SNTG1: variants seen among roughly 807,000 people sequenced by gnomAD.
The protein encoded by SNTG1 is syntrophin gamma 1.
SNTG1 carries 39 observed loss-of-function variants against 74.7 expected under a neutral mutation model. That is an observed-to-expected ratio of 0.52 (90% CI 0.40 to 0.68). The LOEUF is 0.68. SNTG1 is among the 30% of genes least tolerant of loss of function. The pLI is 0.00. For synonymous variants in SNTG1, 254 were observed against 217.1 expected, an observed-to-expected ratio of 1.17 and a Z score of -1.49; for missense variants, 685 against 609.5, an observed-to-expected ratio of 1.12 and a Z score of -1.30.
chr8:50,484,149 TTTCCTTCCTTCC>T lies in SNTG1; in HGVS notation c.364-18573_364-18562del, dbSNP rs1176639085. Among the ~76,000 whole-genome samples, 225 of 46,970 alleles carry T rather than the reference TTTCCTTCCTTCC, an allele frequency of 4.8e-3. 1 individual carries two copies. The highest frequency in any genetic ancestry group is 0.01 in the African/African-American group (132 of 12,672). 30.8% of individuals were successfully genotyped at this position (46,970 alleles called of 152,430 possible). A position where few individuals can be genotyped will look rare whatever the true frequency, so the allele number is the denominator to read the frequency against. On this transcript the variant is annotated intron_variant, in intron 8 of 18. Transcript: ENST00000642720. ...CTTTCTTTCTTTCCTTCTTTCTTTC[TTTCCTTCCTTCC>T]TTCCTTCCTTCCTTCCTTCCTTCCT... is the stretch of plus-strand genomic sequence containing the variant.
chr8:50,400,325 T>G (rs545758431), intron 3 of SNTG1, among the ~76,000 whole-genome samples: 2 of 152,312 alleles, frequency 1.3e-5, no homozygotes, highest in Admixed American at 6.5e-5. Context: ...TCTATGTTGT[T>G]GCAAGTTAAA....
At chr8:50,338,284 G>C (rs1401766081) in intron 2 of SNTG1, among the ~76,000 whole-genome samples, 1 of 152,122 alleles carries the variant, frequency 6.6e-6, no homozygotes, top group Non-Finnish European at 1.5e-5. Context: ...AGTAAACACA[G>C]CCTAACTCCT....
intron 13 of SNTG1, among the ~76,000 whole-genome samples, chr8:50,616,802 AT>A (rs2094888051): frequency 6.6e-6 from 1 of 152,156 alleles, no homozygotes; most frequent in Non-Finnish European, 1.5e-5. Flanking sequence ...ATTGTGGCAG[AT>A]TTACTCCGTA....
At chr8:50,602,775 T>C (rs2094784193) in intron 13 of SNTG1, among the ~76,000 whole-genome samples, 1 of 152,202 alleles carries the variant, frequency 6.6e-6, no homozygotes, top group Admixed American at 6.5e-5. Flanking sequence ...TCACTGGATA[T>C]ACTATTCTAA....
chr8:50,263,491 GAC>G (rs1243553845), intron 2 of SNTG1, among the ~76,000 whole-genome samples: 1 of 152,118 alleles, frequency 6.6e-6, no homozygotes, highest in Non-Finnish European at 1.5e-5. Context: ...TAGATTCAAA[GAC>G]ACACGTAAAT....
At chr8:50,550,934 G>A (rs2094422115) in intron 11 of SNTG1, among the ~76,000 whole-genome samples, 2 of 151,884 alleles carry the variant, frequency 1.3e-5, no homozygotes, top group Non-Finnish European at 2.9e-5. Flanking sequence ...ATTCTATGTG[G>A]GGACATTTTC....
intron 1 of SNTG1, among the ~76,000 whole-genome samples, chr8:50,065,954 C>T (rs1045654498): frequency 9.9e-5 from 15 of 152,278 alleles, no homozygotes; most frequent in South Asian, 4.1e-4. Flanking sequence ...CTGTGGCTCA[C>T]GCCTGTAATC....
chr8:50,652,108 C>A (rs2131240971), intron 13 of SNTG1, among the ~76,000 whole-genome samples: 1 of 152,246 alleles, frequency 6.6e-6, no homozygotes, highest in Middle Eastern at 3.4e-3. Flanking sequence ...ATTTTCAAAT[C>A]TTTTGGAGGG....
intron 17 of SNTG1, among the ~76,000 whole-genome samples, chr8:50,718,502 A>G (rs2095480093): frequency 1.3e-5 from 2 of 152,166 alleles, no homozygotes; most frequent in Admixed American, 1.3e-4. Flanking sequence ...TGCAGTTCGG[A>G]TGGTTCTCTC....
At chr8:50,568,373 T>C (rs530726233) in intron 12 of SNTG1, among the ~76,000 whole-genome samples, 105 of 152,226 alleles carry the variant, frequency 6.9e-4, no homozygotes, top group African/African-American at 2.4e-3. Context: ...AATGGAATTG[T>C]TGAGTCATAT....
intron 2 of SNTG1, among the ~76,000 whole-genome samples, chr8:50,177,288 A>AAATTT (rs2131688315): frequency 6.6e-6 from 1 of 152,238 alleles, no homozygotes; most frequent in South Asian, 2.1e-4. Context: ...ATGACTTTCC[A>AAATTT]CATCTGCTCA....
intron 1 of SNTG1, among the ~76,000 whole-genome samples, chr8:49,928,562 T>C (rs888877959): frequency 6.6e-6 from 1 of 152,008 alleles, no homozygotes; most frequent in African/African-American, 2.4e-5. Context: ...AATACACTAC[T>C]CTGCTGGTGT....
At chr8:50,572,227 A>G (rs2094552778) in intron 12 of SNTG1, among the ~76,000 whole-genome samples, 1 of 149,988 alleles carries the variant, frequency 6.7e-6, no homozygotes, top group South Asian at 2.1e-4. Flanking sequence ...ACTTAGGATT[A>G]TTTATTGTAT....
intron 2 of SNTG1, among the ~76,000 whole-genome samples, chr8:50,245,422 C>A (rs916742048): frequency 5.3e-5 from 8 of 152,152 alleles, no homozygotes; most frequent in African/African-American, 1.7e-4. Flanking sequence ...GTGGCTCACA[C>A]CTGTAATCTC....
intron 5 of SNTG1, among the ~76,000 whole-genome samples, chr8:50,445,122 A>T (rs1430896453): frequency 6.6e-6 from 1 of 152,172 alleles, no homozygotes; most frequent in Non-Finnish European, 1.5e-5. Context: ...TATGAAGGTA[A>T]TCATATAGCA....
intron 1 of SNTG1, among the ~76,000 whole-genome samples, chr8:50,113,753 G>A (rs1417202051): frequency 2.0e-5 from 3 of 152,038 alleles, no homozygotes; most frequent in Non-Finnish European, 1.5e-5. Context: ...TTTGAGATAT[G>A]TTCCATCAAT....
At chr8:50,045,086 A>G (rs946266281) in intron 1 of SNTG1, among the ~76,000 whole-genome samples, 8 of 152,186 alleles carry the variant, frequency 5.3e-5, no homozygotes, top group African/African-American at 1.9e-4. Context: ...GTTAGGAGAC[A>G]GTAGGGTGCA....
At chr8:50,780,283 A>C (rs1427747150) in intron 18 of SNTG1, among the ~76,000 whole-genome samples, 1 of 152,186 alleles carries the variant, frequency 6.6e-6, no homozygotes, top group Non-Finnish European at 1.5e-5. Context: ...GAATGGTACC[A>C]GTTCCTCCTT....
intron 1 of SNTG1, among the ~76,000 whole-genome samples, chr8:50,074,914 G>A (rs1310741692): frequency 6.6e-6 from 1 of 152,180 alleles, no homozygotes; most frequent in Non-Finnish European, 1.5e-5. Context: ...CGGCGCACGC[G>A]AGTTCGGGGT....
Sources: gnomAD v4.1 joint callset for allele counts (sites outside exome capture counted in the v4.1 genomes callset) on GRCh38, gnomAD v4.1.1 for gene constraint, MANE v1.5 for transcripts, NCBI Gene and HGNC (gene_info 2026-07-23, HGNC 2026-07-21) for gene names.